Variants in GADL1 observed in about 807,000 individuals in gnomAD.
The protein encoded by GADL1 is acidic amino acid decarboxylase GADL1.
Under a neutral mutation model 69.5 loss-of-function variants are expected in GADL1, and 71 were observed. The observed-to-expected ratio is 1.02, with a 90% confidence interval of 0.84 to 1.25. The LOEUF is 1.25. Ranked by LOEUF, GADL1 falls within the 50% of genes most tolerant of loss-of-function variation. GADL1 has a pLI of 0.00. For missense variants in GADL1, 737 were observed against 631.8 expected (o/e 1.17, Z -1.79); for synonymous variants, 254 against 214.4 (o/e 1.18, Z -1.62).
At chr3:30,871,045 G>GTGTGTGTGTGTGTA (rs2125540912) in intron 1 of GADL1, among the ~76,000 whole-genome samples, 1 of 112,226 alleles carries the variant, frequency 8.9e-6, no homozygotes, top group East Asian at 2.1e-4. Flanking sequence ...GCAGAAAAGT[G>GTGTGTGTGTGTGTA]TGTGTGTGTG....
intron 1 of GADL1, among the ~76,000 whole-genome samples, chr3:30,877,976 T>C (rs1380064419): frequency 6.6e-6 from 1 of 151,936 alleles, no homozygotes; most frequent in African/African-American, 2.4e-5. Flanking sequence ...TCTCAGATGC[T>C]GGTAGAAACA....
Position 30,829,392 on chromosome 3 carries a change from G to A in GADL1, c.1050+4461C>T, listed in dbSNP as rs561028482. Among the ~76,000 whole-genome samples, 12 of 151,900 alleles carry A rather than the reference G, an allele frequency of 7.9e-5. 1 individual carries two copies. In the South Asian group the frequency reaches 2.5e-3, roughly 31 times the overall value. ...CATTGTGGATGTCAGGGCTTTGTAG[G>A]TACAAATTGGGGAATTAGTTTTTTC... On this transcript the variant is annotated intron_variant, in intron 11 of 14. Transcript: ENST00000282538.
intron 13 of GADL1, among the ~76,000 whole-genome samples, chr3:30,785,654 G>A (rs1031149955): frequency 3.3e-5 from 5 of 152,094 alleles, no homozygotes; most frequent in Admixed American, 2.0e-4. Flanking sequence ...AATTACAGGC[G>A]TGAGCCACTG....
At chr3:30,757,139 A>AGT (rs1446761196) in intron 14 of GADL1, among the ~76,000 whole-genome samples, 1 of 152,134 alleles carries the variant, frequency 6.6e-6, no homozygotes, top group Non-Finnish European at 1.5e-5. Context: ...CTTAATTCAG[A>AGT]GTGCCATGTG....
At chr3:30,789,059 A>T (rs2125501113) in intron 12 of GADL1, among the ~76,000 whole-genome samples, 1 of 152,292 alleles carries the variant, frequency 6.6e-6, no homozygotes, top group South Asian at 2.1e-4. Context: ...TAAAAGGGTA[A>T]ACCCATAAAA....
rs138812661 is a variant in GADL1, at chr3:30,800,968, A to G, written c.1171T>C (p.Phe391Leu). 6.4e-5 allele frequency: 103 copies of G among 1,613,882 alleles called. No individual in the cohort carries two copies. In the African/African-American group the frequency reaches 1.2e-3, roughly 19 times the overall value. Residue 391 changes from phenylalanine (F) to leucine (L), a missense_variant, in exon 12 of 15, where the codon TTC becomes CTC. Physicochemically the swap from Phe to Leu is conservative, Grantham distance 22. Transcript: ENST00000282538. ...SIQCSRRPDA[F>L]KFWMTWKALG... is the part of the protein sequence containing the mutation. ...GCCTTCCAGGTCATCCAGAACTTGA[A>G]TGCATCTGGTCTTCTGCTACACTGG...
intron 13 of GADL1, among the ~76,000 whole-genome samples, chr3:30,783,377 T>C (rs971184871): frequency 6.6e-6 from 1 of 152,210 alleles, no homozygotes; most frequent in Admixed American, 6.5e-5. Flanking sequence ...AATTCAGAAT[T>C]CACTTAAAAT....
At chr3:30,779,786 C>T (rs1401414684) in intron 13 of GADL1, among the ~76,000 whole-genome samples, 3 of 152,192 alleles carry the variant, frequency 2.0e-5, no homozygotes, top group Admixed American at 2.0e-4. Flanking sequence ...AGCCAGAAAT[C>T]TACCCTTTTT....
chr3:30,759,519 G>T (rs762364052), intron 14 of GADL1, among the ~76,000 whole-genome samples: 2 of 152,204 alleles, frequency 1.3e-5, no homozygotes, highest in Admixed American at 6.5e-5. Context: ...TTGGCACAAA[G>T]CATTTGCTGA....
rs1313577612 is a variant in GADL1, at chr3:30,726,232, G to A, written c.*2010C>T. 6.6e-6 allele frequency: 1 copy of A among 152,080 alleles called. No homozygotes were observed. The highest frequency in any genetic ancestry group is 1.5e-5 in the Non-Finnish European group (1 of 68,018). The allele number at this position is 152,080 out of a possible 1,614,324, so 9.4% of individuals were successfully genotyped here. Reference sequence around the variant, plus strand: ...CTGCTTTTTCCATTTTATTCAAGGTGTTAACTAAAATACAGAGAGCTTTCA... The same window carrying A: ...CTGCTTTTTCCATTTTATTCAAGGTATTAACTAAAATACAGAGAGCTTTCA... On this transcript the variant is annotated 3_prime_UTR_variant, in exon 15 of 15. Coordinates refer to ENST00000282538, the MANE Select transcript of GADL1 (RefSeq NM_207359.3).
intron 14 of GADL1, among the ~76,000 whole-genome samples, chr3:30,745,787 G>A (rs1575181687): frequency 6.6e-6 from 1 of 152,050 alleles, no homozygotes; most frequent in African/African-American, 2.4e-5. Flanking sequence ...TGCCACCAGA[G>A]AAAAATATAT....
intron 13 of GADL1, chr3:30,778,872 G>C (rs1217312012): frequency 6.6e-6 from 1 of 152,200 alleles, no homozygotes; most frequent in Non-Finnish European, 1.5e-5. Flanking sequence ...TCAAAATGTA[G>C]ATTCTCATAG....
At chr3:30,850,220 A>G in intron 5 of GADL1, 109 bp from the exon 6 acceptor site, 1 of 678,780 alleles carries the variant, frequency 1.5e-6, no homozygotes, top group Non-Finnish European at 2.6e-6. Context: ...GTCTAATGAA[A>G]AATCACCGTG....
intron 11 of GADL1, among the ~76,000 whole-genome samples, chr3:30,818,515 C>T (rs953405085): frequency 6.6e-6 from 1 of 151,952 alleles, no homozygotes; most frequent in African/African-American, 2.4e-5. Context: ...ATAATTTCTG[C>T]CTCCCCTTGT....
At chr3:30,803,071 A>C (rs1005599431) in intron 11 of GADL1, among the ~76,000 whole-genome samples, 1 of 152,204 alleles carries the variant, frequency 6.6e-6, no homozygotes, top group African/African-American at 2.4e-5. Context: ...CAGCCTACGC[A>C]ACACAGTGGG....
chr3:30,802,076 C>T (rs1202690240), intron 11 of GADL1, among the ~76,000 whole-genome samples: 1 of 152,190 alleles, frequency 6.6e-6, no homozygotes, highest in African/African-American at 2.4e-5. Context: ...ACATAGCCTG[C>T]CTTCTTTCCC....
At chr3:30,729,489 T>A (rs907257082) in intron 14 of GADL1, among the ~76,000 whole-genome samples, 2 of 151,852 alleles carry the variant, frequency 1.3e-5, no homozygotes, top group African/African-American at 4.8e-5. Flanking sequence ...AAGGGAGGAG[T>A]ACATATAGAA....
intron 13 of GADL1, among the ~76,000 whole-genome samples, chr3:30,779,934 C>T (rs1238652013): frequency 6.6e-6 from 1 of 152,208 alleles, no homozygotes; most frequent in Non-Finnish European, 1.5e-5. Context: ...GGTGTGCTCA[C>T]TTTCATGGGT....
In GADL1 at chr3:30,741,112, G is replaced by GTA. The variant is rs67611024; in HGVS notation, c.1393-12699_1393-12698dup. 2.5e-3 allele frequency among the ~76,000 whole-genome samples: 287 copies of GTA among 113,890 alleles called. 1 individual carries two copies. The highest frequency in any genetic ancestry group is 5.5e-3 in the South Asian group (20 of 3,642). The allele number at this position is 113,890 out of a possible 152,430, so 74.7% of individuals were successfully genotyped here. ...TTTGTATTATATATATGTATTCCTA[G>GTA]TATATATATATATATATATATATAT... is the stretch of plus-strand genomic sequence containing the variant. On this transcript the variant is annotated intron_variant, in intron 14 of 14. Coordinates refer to ENST00000282538, the MANE Select transcript of GADL1 (RefSeq NM_207359.3).
Sources: gnomAD v4.1 joint callset for allele counts (sites outside exome capture counted in the v4.1 genomes callset) on GRCh38, gnomAD v4.1.1 for gene constraint, MANE v1.5 for transcripts, NCBI Gene and HGNC (gene_info 2026-07-23, HGNC 2026-07-21) for gene names.